The following MYH15 variants were observed in gnomAD, a reference collection of about 807,000 sequenced individuals.
MYH15 encodes myosin heavy chain 15, also known as myosin-15.
MYH15 carries 227 observed loss-of-function variants against 240.5 expected under a neutral mutation model. The ratio of observed to expected loss-of-function variants is 0.94; its 90% CI spans 0.85 to 1.05. The LOEUF (loss-of-function observed/expected upper bound fraction) is 1.05. Ranked by LOEUF, MYH15 falls within the 50% of genes least tolerant of loss-of-function variation. The probability of loss-of-function intolerance (pLI) is 0.00; values close to 1 mark genes in which losing one functional copy is unlikely to be tolerated. For missense variants in MYH15, 2,217 were observed against 2,247.5 expected (o/e 0.99, Z 0.27); for synonymous variants, 785 against 796.7 (o/e 0.99, Z 0.25).
At chr3:108,452,940 G>A (rs974783943) in intron 21 of MYH15, among the ~76,000 whole-genome samples, 1 of 152,070 alleles carries the variant, frequency 6.6e-6, no homozygotes, top group African/African-American at 2.4e-5. Flanking sequence ...AACATAGGGA[G>A]ACCCTGTTTC....
chr3:108,538,965 T>C, the MYH15 span, among the ~76,000 whole-genome samples: 10 of 152,296 alleles, frequency 6.6e-5, no homozygotes, highest in Non-Finnish European at 1.2e-4. Context: ...GTTCTCACTT[T>C]TGTTAACAAG....
chr3:108,538,611 A>G, the MYH15 span, among the ~76,000 whole-genome samples: 1 of 152,218 alleles, frequency 6.6e-6, no homozygotes, highest in Non-Finnish European at 1.5e-5. Flanking sequence ...TAATGAAGTG[A>G]CAGAGAGAAA....
At chr3:108,493,249 G>A in intron 7 of MYH15, 72 bp from the exon 8 acceptor site, 2 of 1,136,822 alleles carry the variant, frequency 1.8e-6, no homozygotes, top group Non-Finnish European at 2.7e-6. Flanking sequence ...CACTTGCAAT[G>A]GCTTCATTAT....
intron 28 of MYH15, among the ~76,000 whole-genome samples, chr3:108,420,823 T>G (rs1427620324): frequency 6.6e-6 from 1 of 152,204 alleles, no homozygotes; most frequent in African/African-American, 2.4e-5. Context: ...TCCTTTGATC[T>G]TGAGAGTTGC....
At chr3:108,534,807 G>C in the MYH15 span, among the ~76,000 whole-genome samples, 2 of 152,054 alleles carry the variant, frequency 1.3e-5, no homozygotes, top group Non-Finnish European at 2.9e-5. Flanking sequence ...CTTGAGCCCA[G>C]GAGGTTGAGG....
intron 1 of MYH15, 130 bp from the exon 2 acceptor site, chr3:108,505,959 A>G (rs576170150): frequency 1.8e-6 from 1 of 550,812 alleles, no homozygotes; most frequent in African/African-American, 1.9e-5. Flanking sequence ...GGAACTTGCA[A>G]AGTCAGATAA....
chr3:108,470,348 T>C (rs2083162027), intron 13 of MYH15, 136 bp from the exon 14 acceptor site: 1 of 594,792 alleles, frequency 1.7e-6, no homozygotes, highest in Non-Finnish European at 2.8e-6. Flanking sequence ...AAATGCTCAA[T>C]TAACTTAATT....
Position 108,476,442 on chromosome 3 carries a change from G to T in MYH15, c.1188C>A (p.Ile396=). 1 of 1,613,168 alleles carries T rather than the reference G, an allele frequency of 6.2e-7. No homozygotes were observed. ...TGGTAACATATTCGTTACCAACTTT[G>T]ATTCTAGGATGGATCAAGCACTTTA... ...ELVKCLIHPR[I]KVGNEYVTRG... The change falls in exon 12 of 41, where the codon ATC becomes ATA. Residue 396 remains isoleucine, a synonymous_variant. Coordinates refer to ENST00000693548, the MANE Select transcript of MYH15 (RefSeq NM_014981.3).
chr3:108,455,276 G>T (rs887200978), intron 20 of MYH15, among the ~76,000 whole-genome samples: 2 of 152,152 alleles, frequency 1.3e-5, no homozygotes, highest in Non-Finnish European at 2.9e-5. Context: ...AAGGAAGTTG[G>T]TTTTGGATTA....
At chr3:108,457,137 G>A (rs929659561) in intron 18 of MYH15, among the ~76,000 whole-genome samples, 1 of 152,134 alleles carries the variant, frequency 6.6e-6, no homozygotes, top group Non-Finnish European at 1.5e-5. Flanking sequence ...ACAGTCAGAT[G>A]AGATGTTTAT....
intron 1 of MYH15, chr3:108,529,181 A>G (rs2083695518): frequency 7.5e-7 from 1 of 1,340,748 alleles, no homozygotes; most frequent in Non-Finnish European, 1.1e-6. Context: ...AAGACCATCA[A>G]GAATAAAATT....
intron 37 of MYH15, among the ~76,000 whole-genome samples, chr3:108,389,715 A>T (rs1159389651): frequency 6.6e-6 from 1 of 152,254 alleles, no homozygotes. Context: ...AGTAAAATGT[A>T]GGCTATGTTG....
chr3:108,426,875 G>A (rs2082728989), intron 27 of MYH15, among the ~76,000 whole-genome samples: 1 of 152,220 alleles, frequency 6.6e-6, no homozygotes, highest in South Asian at 2.1e-4. Context: ...TGTCCAGAAG[G>A]TCAGACATGG....
chr3:108,426,719 GC>G (rs911428695), intron 27 of MYH15, among the ~76,000 whole-genome samples: 4 of 152,116 alleles, frequency 2.6e-5, no homozygotes, highest in Non-Finnish European at 5.9e-5. Flanking sequence ...GGGCAGAGCT[GC>G]CCCCAACACC....
chr3:108,453,568 T>C (rs78034554), intron 21 of MYH15, among the ~76,000 whole-genome samples: 2,315 of 152,228 alleles, frequency 0.015, 55 homozygotes, highest in African/African-American at 0.049. Flanking sequence ...AAGAAAGTTA[T>C]GATTACATGT....
intron 18 of MYH15, 48 bp downstream of exon 18, chr3:108,459,314 T>C (rs764431792): frequency 2.5e-6 from 3 of 1,180,982 alleles, no homozygotes; most frequent in African/African-American, 1.5e-5. Context: ...ATATAGCTAA[T>C]ATCAAATCTA....
At position 108,470,083 on chromosome 3, in the gene MYH15, A is replaced by ATGGGT; in HGVS notation, c.1512_1513insACCCA (p.Phe505ThrfsTer11). Reference sequence around the variant, plus strand: ...ATGCAAGCTTGCAAATCCAGACCAAAGCCAATAGACACCCATTCAATGCTT... The same window carrying ATGGGT: ...ATGCAAGCTTGCAAATCCAGACCAAATGGGTGCCAATAGACACCCATTCAATGCTT... On this transcript the variant is annotated frameshift_variant, in exon 14 of 41. Transcript: ENST00000693548. LOFTEE classifies it high-confidence loss of function. The ATGGGT allele has an allele frequency of 6.2e-7, 1 of 1,610,784 alleles. No individual in the cohort carries two copies. The highest frequency in any genetic ancestry group is 2.2e-5 in the East Asian group (1 of 44,798).
At chr3:108,392,720 G>A (rs2082430644) in intron 36 of MYH15, among the ~76,000 whole-genome samples, 1 of 152,216 alleles carries the variant, frequency 6.6e-6, no homozygotes, top group African/African-American at 2.4e-5. Context: ...GGAGGCTGGG[G>A]TCAGAGATGA....
At position 108,421,215 on chromosome 3, in the gene MYH15, C is replaced by T; in HGVS notation, c.3703-1G>A. ...GAGTACAGAGTTTCTCAGCATTTGC[C>T]TATAAGTTGAGAAAGAAGGGCTGGT... On this transcript the variant is annotated splice_acceptor_variant, in intron 27 of 40. Transcript: ENST00000693548. LOFTEE classifies it high-confidence loss of function. 1.2e-6 allele frequency: 2 copies of T among 1,611,282 alleles called. No individual in the cohort carries two copies. The highest frequency in any genetic ancestry group is 2.2e-5 in the South Asian group (2 of 91,030).
Sources: allele counts gnomAD v4.1 joint callset (sites outside exome capture counted in the v4.1 genomes callset), GRCh38; gene constraint gnomAD v4.1.1; transcripts MANE v1.5; gene names NCBI Gene and HGNC (gene_info 2026-07-23, HGNC 2026-07-21).